CREB5: variants seen among roughly 807,000 people sequenced by gnomAD.
The protein encoded by CREB5 is cyclic AMP-responsive element-binding protein 5.
CREB5 carries 19 observed loss-of-function variants against 57.1 expected under a neutral mutation model. That is an observed-to-expected ratio of 0.33 (90% CI 0.23 to 0.49). The LOEUF (loss-of-function observed/expected upper bound fraction) is 0.49, where lower values mean the gene tolerates loss of function less well. CREB5 is among the 20% of genes least tolerant of loss of function. The probability of loss-of-function intolerance (pLI) is 0.99; values close to 1 mark genes in which losing one functional copy is unlikely to be tolerated. For synonymous variants in CREB5, 238 were observed against 238.3 expected (o/e 1.00, Z 0.01); for missense variants, 579 against 671.6 (o/e 0.86, Z 1.52).
chr7:28,415,420 A>T (rs1033474817), intron 1 of CREB5, among the ~76,000 whole-genome samples: 8 of 152,172 alleles, frequency 5.3e-5, no homozygotes. Context: ...ATGGGGCATA[A>T]CCTATGACTT....
intron 4 of CREB5, among the ~76,000 whole-genome samples, chr7:28,533,790 A>C (rs1222145433): frequency 1.3e-5 from 2 of 152,184 alleles, no homozygotes; most frequent in African/African-American, 4.8e-5. Context: ...TGAGGTTCCC[A>C]TCCCAAGTCA....
chr7:28,785,471 C>A (rs1440505246), intron 7 of CREB5, among the ~76,000 whole-genome samples: 1 of 152,226 alleles, frequency 6.6e-6, no homozygotes, highest in Non-Finnish European at 1.5e-5. Flanking sequence ...TGGAGCAGAA[C>A]TTTTCATCCA....
rs1809869587 is a variant in CREB5, at chr7:28,823,022, C to T, written c.*3743C>T. ...GTAGTCAGTGAAACAAAATGGAGAG[C>T]GTATTCTGATAGAAGGACGTCGACG... is the stretch of plus-strand genomic sequence containing the variant. On this transcript the variant is annotated 3_prime_UTR_variant, in exon 11 of 11. Coordinates refer to ENST00000357727, the MANE Select transcript of CREB5 (RefSeq NM_182898.4). The T allele has an allele frequency of 6.6e-6, 1 of 152,530 alleles. No homozygotes were observed. Among genetic ancestry groups the T allele is most frequent in the Non-Finnish European group, 1.5e-5 (1 of 68,022 alleles). The allele number at this position is 152,530 out of a possible 1,614,324, so 9.4% of individuals were successfully genotyped here.
At chr7:28,445,744 G>A (rs1486505237) in intron 1 of CREB5, among the ~76,000 whole-genome samples, 10 of 151,778 alleles carry the variant, frequency 6.6e-5, no homozygotes, top group African/African-American at 9.7e-5. Context: ...GTTGAGATGG[G>A]GTTTCACTGT....
intron 5 of CREB5, among the ~76,000 whole-genome samples, chr7:28,700,630 C>G (rs1201954415): frequency 6.6e-6 from 1 of 152,144 alleles, no homozygotes; most frequent in East Asian, 1.9e-4. Context: ...TTTCTGAGTT[C>G]TTAGTACTCC....
At chr7:28,735,824 T>A (rs1803946346) in intron 7 of CREB5, among the ~76,000 whole-genome samples, 1 of 151,976 alleles carries the variant, frequency 6.6e-6, no homozygotes, top group Non-Finnish European at 1.5e-5. Flanking sequence ...TTTTTTTTTT[T>A]AATGGAATTT....
intron 5 of CREB5, among the ~76,000 whole-genome samples, chr7:28,599,510 G>C (rs1255381997): frequency 6.6e-6 from 1 of 152,092 alleles, no homozygotes; most frequent in Non-Finnish European, 1.5e-5. Flanking sequence ...GGTGGAGGTG[G>C]GAAACACTGT....
chr7:28,608,149 A>T (rs944590061), intron 5 of CREB5, among the ~76,000 whole-genome samples: 1 of 146,248 alleles, frequency 6.8e-6, no homozygotes, highest in Admixed American at 6.8e-5. Context: ...ACACACACAC[A>T]CACACACTCT....
chr7:28,639,983 A>T (rs948457371), intron 5 of CREB5, among the ~76,000 whole-genome samples: 3 of 152,138 alleles, frequency 2.0e-5, no homozygotes, highest in Non-Finnish European at 4.4e-5. Context: ...TGTATGAGGA[A>T]TATAATCCCA....
chr7:28,305,831 C>T (rs1455858796), intron 1 of CREB5, among the ~76,000 whole-genome samples: 1 of 151,132 alleles, frequency 6.6e-6, no homozygotes, highest in Non-Finnish European at 1.5e-5. Flanking sequence ...CTAATTCAAA[C>T]AATACAGAAG....
At chr7:28,809,458 C>T (rs201353720) in intron 9 of CREB5, 44 bp downstream of exon 9, 3 of 1,523,958 alleles carry the variant, frequency 2.0e-6, no homozygotes, top group African/African-American at 2.7e-5. Context: ...AGGCCCTCTG[C>T]TCCACGGGCA....
At chr7:28,347,340 C>A (rs149284159) in intron 1 of CREB5, among the ~76,000 whole-genome samples, 1 of 152,178 alleles carries the variant, frequency 6.6e-6, no homozygotes, top group African/African-American at 2.4e-5. Flanking sequence ...CCTGTCCCCT[C>A]TCTGCACAGC....
chr7:28,443,925 T>C (rs1210027753), intron 1 of CREB5, among the ~76,000 whole-genome samples: 1 of 152,224 alleles, frequency 6.6e-6, no homozygotes, highest in Non-Finnish European at 1.5e-5. Flanking sequence ...TGGTAGATCC[T>C]GATACAAGTC....
chr7:28,510,756 A>G (rs1278759880), intron 4 of CREB5, among the ~76,000 whole-genome samples: 1 of 152,212 alleles, frequency 6.6e-6, no homozygotes, highest in Non-Finnish European at 1.5e-5. Flanking sequence ...CTGTATTAAT[A>G]CTATACATAG....
chr7:28,450,258 C>T (rs982272609), intron 1 of CREB5, among the ~76,000 whole-genome samples: 17 of 151,932 alleles, frequency 1.1e-4, no homozygotes, highest in African/African-American at 4.1e-4. Flanking sequence ...AATAAAAAGC[C>T]CGAGGGTACT....
intron 7 of CREB5, among the ~76,000 whole-genome samples, chr7:28,802,586 C>T (rs1360963491): frequency 6.6e-6 from 1 of 152,346 alleles, no homozygotes; most frequent in African/African-American, 2.4e-5. Flanking sequence ...GCAATGGGAG[C>T]TTGCCAATTA....
At chr7:28,722,327 C>A (rs1342582134) in intron 6 of CREB5, among the ~76,000 whole-genome samples, 2 of 152,112 alleles carry the variant, frequency 1.3e-5, no homozygotes, top group African/African-American at 4.8e-5. Context: ...AACCTGGAAG[C>A]AAAAGTTATT....
Position 28,336,068 on chromosome 7 carries a change from C to G in CREB5, c.-25+36627C>G, listed in dbSNP as rs541949079. On this transcript the variant is annotated intron_variant, in intron 1 of 9. Transcript: ENST00000396299. ...ATCCCACTTGGTCGTGATGAATGAT[C>G]TTTTTAATATGGTATAGAACTCAGT... Among the ~76,000 whole-genome samples the G allele has an allele frequency of 2.0e-5, 3 of 152,130 alleles. No homozygotes were observed. The East Asian group carries it at 5.8e-4, about 29-fold the overall frequency.
At chr7:28,636,050 C>T (rs1029687935) in intron 5 of CREB5, among the ~76,000 whole-genome samples, 10 of 152,208 alleles carry the variant, frequency 6.6e-5, no homozygotes, top group Non-Finnish European at 8.8e-5. Context: ...CTGGATGAAA[C>T]CTTAGAGATC....
Sources: allele counts gnomAD v4.1 joint callset (sites outside exome capture counted in the v4.1 genomes callset), GRCh38; gene constraint gnomAD v4.1.1; transcripts MANE v1.5; gene names NCBI Gene and HGNC (gene_info 2026-07-23, HGNC 2026-07-21).